SLC6A4: variants seen among roughly 807,000 people sequenced by gnomAD.
SLC6A4 encodes sodium-dependent serotonin transporter.
SLC6A4 carries 22 observed loss-of-function variants against 73.4 expected under a neutral mutation model. That is an observed-to-expected ratio of 0.30 (90% CI 0.21 to 0.43). The LOEUF is 0.43. Ranked by LOEUF, SLC6A4 falls within the 20% of genes least tolerant of loss-of-function variation. SLC6A4 has a pLI of 1.00. For synonymous variants in SLC6A4, 270 were observed against 315.5 expected (o/e 0.86, Z 1.53); for missense variants, 593 against 808.5 (o/e 0.73, Z 3.23).
At chr17:30,209,270 G>C (rs1454378113) in intron 11 of SLC6A4, 28 bp from the exon 12 acceptor site, 1 of 1,462,166 alleles carries the variant, frequency 6.8e-7, no homozygotes. Flanking sequence ...GCCTGGGTGA[G>C]GGCCCTCCAA....
At chr17:30,229,451 CCTT>C (rs1907021421) in intron 1 of SLC6A4, among the ~76,000 whole-genome samples, 1 of 152,104 alleles carries the variant, frequency 6.6e-6, no homozygotes. Context: ...TTTATTTTAA[CCTT>C]CTTTTTGGTT....
rs550790616 is a variant in SLC6A4 at position 30,220,533 on chromosome 17, G to A, written c.343+1083C>T. ...GAGGAGATAGGAGGGCCAGCCATGCGTGGTTTGAGGTTGGTATTAATGTCA... is the reference window on the plus strand; with the variant it reads ...GAGGAGATAGGAGGGCCAGCCATGCATGGTTTGAGGTTGGTATTAATGTCA... On this transcript the variant is annotated intron_variant, in intron 3 of 14. Coordinates refer to ENST00000650711, the MANE Select transcript of SLC6A4 (RefSeq NM_001045.6). Among the ~76,000 whole-genome samples, 5 of 152,312 alleles carry A rather than the reference G, an allele frequency of 3.3e-5. No homozygotes were observed. In the South Asian group the frequency reaches 6.2e-4, roughly 19 times the overall value.
At chr17:30,200,168 A>G (rs1027489920) in intron 14 of SLC6A4, among the ~76,000 whole-genome samples, 2 of 152,222 alleles carry the variant, frequency 1.3e-5, no homozygotes, top group Admixed American at 6.5e-5. Context: ...TCATAAAGTC[A>G]AACACTTGGT....
intron 1 of SLC6A4, among the ~76,000 whole-genome samples, chr17:30,234,176 C>T (rs1907200534): frequency 6.6e-6 from 1 of 151,580 alleles, no homozygotes; most frequent in African/African-American, 2.4e-5. Flanking sequence ...ACATTATTCC[C>T]CCATCCCACT....
At chr17:30,212,992 C>G (rs533520005) in intron 8 of SLC6A4, 125 bp from the exon 9 acceptor site, 3 of 968,824 alleles carry the variant, frequency 3.1e-6, no homozygotes, top group Non-Finnish European at 4.6e-6. Flanking sequence ...AGGCTGAACT[C>G]AAGGAACCTC....
At position 30,235,544 on chromosome 17, in the gene SLC6A4, C is replaced by T. The variant is rs190235511; in HGVS notation, c.-221+69G>A. ...GGTGGGGCGCAGCGGTTCTATCCCC[C>T]TCCCCGAGGCGGGGAAGAAGGTCTG... On this transcript the variant is annotated intron_variant, in intron 1 of 14. Coordinates refer to ENST00000650711, the MANE Select transcript of SLC6A4 (RefSeq NM_001045.6). This position sits in a 1 kb window ranked among gnomAD's most constrained non-coding sequence, Gnocchi z 4.5. 3.9e-5 allele frequency: 6 copies of T among 152,338 alleles called. No individual in the cohort carries two copies. Among genetic ancestry groups the T allele is most frequent in the Non-Finnish European group, 8.8e-5 (6 of 68,040 alleles). The allele number at this position is 152,338 out of a possible 1,614,324, so 9.4% of individuals were successfully genotyped here. A position where few individuals can be genotyped will look rare whatever the true frequency, so the allele number is the denominator to read the frequency against.
chr17:30,223,842 T>C (rs1378661778), intron 1 of SLC6A4, among the ~76,000 whole-genome samples: 1 of 152,168 alleles, frequency 6.6e-6, no homozygotes, highest in Non-Finnish European at 1.5e-5. Context: ...CTGCCTGGCC[T>C]TGGCCTCCCC....
chr17:30,226,376 G>A (rs1187401811), intron 1 of SLC6A4, among the ~76,000 whole-genome samples: 2 of 152,236 alleles, frequency 1.3e-5, no homozygotes, highest in South Asian at 2.1e-4. Context: ...AAAGATGTGC[G>A]TAGGCCCACA....
In SLC6A4 at chr17:30,221,749, T is replaced by G. The variant is rs527609604; in HGVS notation, c.210A>C (p.Leu70=). 4 of 1,614,136 alleles carry G rather than the reference T, an allele frequency of 2.5e-6. No individual in the cohort carries two copies. The East Asian group carries it at 8.9e-5, about 36-fold the overall frequency. Residue 70 remains leucine, a synonymous_variant, in exon 3 of 15, where the codon CTA becomes CTC. Coordinates refer to ENST00000650711, the MANE Select transcript of SLC6A4 (RefSeq NM_001045.6). The stretch of plus-strand genomic sequence containing the variant: ...GTTCCCCTTGATGAAGCTCAGCCAC[T>G]AGGGTGGTGGTGGTCGCTGGGATAG... ...RHSIPATTTT[L]VAELHQGERE...
intron 14 of SLC6A4, 66 bp downstream of exon 14, chr17:30,203,106 T>A: frequency 7.6e-7 from 1 of 1,314,634 alleles, no homozygotes; most frequent in South Asian, 1.3e-5. Flanking sequence ...CATAACAAGA[T>A]AATCCTTTTC....
At chr17:30,228,518 A>G (rs1906993219) in intron 1 of SLC6A4, among the ~76,000 whole-genome samples, 1 of 152,148 alleles carries the variant, frequency 6.6e-6, no homozygotes, top group Admixed American at 6.6e-5. Context: ...GCTGCTCTCA[A>G]TCAGTGCTTG....
chr17:30,222,707 G>A lies in SLC6A4; in HGVS notation c.-124+112C>T, dbSNP rs34871173. The A allele has an allele frequency of 7.3e-3, 6,798 of 928,502 alleles. 34 individuals carry two copies. Among genetic ancestry groups the A allele is most frequent in the Non-Finnish European group, 9.5e-3 (6,159 of 645,308 alleles). The allele number at this position is 928,502 out of a possible 1,614,324, so 57.5% of individuals were successfully genotyped here. A position where few individuals can be genotyped will look rare whatever the true frequency, so the allele number is the denominator to read the frequency against. On this transcript the variant is annotated intron_variant, in intron 2 of 14. Coordinates refer to ENST00000650711, the MANE Select transcript of SLC6A4 (RefSeq NM_001045.6). ...CGTCTTTTAGCCCCTAGGAAGGTTG[G>A]GGCAGATTTGAGCTGCCTCCGGCTG... is the stretch of plus-strand genomic sequence containing the variant.
At chr17:30,214,527 CACATT>C (rs1597638803) in intron 8 of SLC6A4, among the ~76,000 whole-genome samples, 1 of 150,476 alleles carries the variant, frequency 6.6e-6, no homozygotes, top group Admixed American at 6.6e-5. Flanking sequence ...TACAAATAAT[CACATT>C]ACAATTTTTA....
intron 14 of SLC6A4, among the ~76,000 whole-genome samples, chr17:30,201,289 T>C (rs1418596402): frequency 6.6e-6 from 1 of 152,210 alleles, no homozygotes; most frequent in Non-Finnish European, 1.5e-5. Flanking sequence ...GCCTTTTCCA[T>C]GGTCCTCACC....
At chr17:30,234,563 C>A (rs1483338510) in intron 1 of SLC6A4, among the ~76,000 whole-genome samples, 1 of 152,172 alleles carries the variant, frequency 6.6e-6, no homozygotes, top group African/African-American at 2.4e-5. Context: ...TCCCTACGCT[C>A]CTAAAAACCC....
At chr17:30,220,911 T>C (rs1358533879) in intron 3 of SLC6A4, among the ~76,000 whole-genome samples, 1 of 151,848 alleles carries the variant, frequency 6.6e-6, no homozygotes, top group African/African-American at 2.4e-5. Flanking sequence ...TTCACCCAGC[T>C]TCACAACCCG....
chr17:30,233,921 G>T (rs1247338658), intron 1 of SLC6A4, among the ~76,000 whole-genome samples: 1 of 152,014 alleles, frequency 6.6e-6, no homozygotes, highest in African/African-American at 2.4e-5. Context: ...TTAATGTCTG[G>T]AGTTACCTGT....
intron 3 of SLC6A4, 90 bp from the exon 4 acceptor site, chr17:30,219,021 A>T (rs1473091722): frequency 6.6e-7 from 1 of 1,523,842 alleles, no homozygotes; most frequent in Non-Finnish European, 9.0e-7. Flanking sequence ...CAGTCGCCGG[A>T]TGATGTGAGT....
intron 1 of SLC6A4, among the ~76,000 whole-genome samples, chr17:30,230,716 G>C (rs78723840): frequency 6.6e-6 from 1 of 152,164 alleles, no homozygotes; most frequent in African/African-American, 2.4e-5. Flanking sequence ...CTCTGGGTGG[G>C]GCATGGAGGG....
Sources: allele counts gnomAD v4.1 joint callset (sites outside exome capture counted in the v4.1 genomes callset), GRCh38; gene constraint gnomAD v4.1.1; non-coding constraint Gnocchi (gnomAD v3.1); transcripts MANE v1.5; gene names NCBI Gene and HGNC (gene_info 2026-07-23, HGNC 2026-07-21).